CRHR1: variants seen among roughly 807,000 people sequenced by gnomAD.
The protein encoded by CRHR1 is corticotropin releasing hormone receptor 1.
Under a neutral mutation model 56.0 loss-of-function variants are expected in CRHR1, and 28 were observed. That is an observed-to-expected ratio of 0.50 (90% CI 0.37 to 0.69). The LOEUF (loss-of-function observed/expected upper bound fraction) is 0.69, where lower values mean the gene tolerates loss of function less well. Among genes scored for constraint, CRHR1 ranks in the 30% least tolerant of loss-of-function variants. The pLI, the probability that CRHR1 is intolerant of heterozygous loss-of-function variation, is 0.00. For synonymous variants in CRHR1, 195 were observed against 216.5 expected (o/e 0.90, Z 0.87); for missense variants, 376 against 548.0 (o/e 0.69, Z 3.13).
At chr17:45,823,477 G>A (rs1016899816) in intron 4 of CRHR1, among the ~76,000 whole-genome samples, 1 of 146,740 alleles carries the variant, frequency 6.8e-6, no homozygotes, top group Admixed American at 7.0e-5. Context: ...GCGCGATGTC[G>A]GCTCATTGCA....
intron 1 of CRHR1, among the ~76,000 whole-genome samples, chr17:45,787,053 C>G (rs1284519946): frequency 1.3e-5 from 2 of 152,178 alleles, no homozygotes; most frequent in South Asian, 4.1e-4. Flanking sequence ...TAGGGTTAAT[C>G]CCAAATCCAG....
At chr17:45,829,898 G>C (rs576412386) in intron 5 of CRHR1, among the ~76,000 whole-genome samples, 196 bp from the exon 6 acceptor site, 1 of 152,124 alleles carries the variant, frequency 6.6e-6, no homozygotes, top group Admixed American at 6.5e-5. Context: ...TTATGTCTGG[G>C]TGGGCTGCAG....
At chr17:45,803,282 G>A (rs897302989) in intron 1 of CRHR1, among the ~76,000 whole-genome samples, 23 of 152,220 alleles carry the variant, frequency 1.5e-4, no homozygotes, top group African/African-American at 5.3e-4. Flanking sequence ...ACCGGAGCAC[G>A]AAGCACAGCT....
intron 3 of CRHR1, among the ~76,000 whole-genome samples, chr17:45,820,500 A>G (rs533809953): frequency 6.6e-6 from 1 of 152,206 alleles, no homozygotes; most frequent in African/African-American, 2.4e-5. Flanking sequence ...GCCCCTCCCC[A>G]TCTCCTTAGA....
intron 1 of CRHR1, among the ~76,000 whole-genome samples, chr17:45,803,784 G>A (rs574567886): frequency 7.8e-4 from 119 of 152,222 alleles, no homozygotes; most frequent in Non-Finnish European, 1.2e-3. Context: ...GTGCGTGCGC[G>A]TGCGCGTGTG....
At chr17:45,801,541 A>G (rs938709973) in intron 1 of CRHR1, among the ~76,000 whole-genome samples, 2 of 151,980 alleles carry the variant, frequency 1.3e-5, no homozygotes, top group Admixed American at 1.3e-4. Flanking sequence ...GTGAGTGGAG[A>G]GATTTGTAGC....
At chr17:45,833,693 T>TGGGGGGGGGGGGGGGCC in intron 10 of CRHR1, 21 bp from the exon 11 acceptor site, 1 of 1,571,618 alleles carries the variant, frequency 6.4e-7, no homozygotes, top group Non-Finnish European at 8.7e-7. Flanking sequence ...ACTCCGAGCC[T>TGGGGGGGGGGGGGGGCC]CCCCACCCGC....
intron 1 of CRHR1, among the ~76,000 whole-genome samples, chr17:45,793,010 A>G (rs2061453717): frequency 6.6e-6 from 1 of 152,240 alleles, no homozygotes; most frequent in African/African-American, 2.4e-5. Context: ...GTAGATGCTG[A>G]ACTAAATGGA....
At chr17:45,808,524 G>T (rs148153182) in intron 2 of CRHR1, among the ~76,000 whole-genome samples, 15 of 152,240 alleles carry the variant, frequency 9.9e-5, no homozygotes, top group African/African-American at 3.4e-4. Flanking sequence ...AGGGATAGGG[G>T]GGCTGTTACC....
At chr17:45,823,121 C>T (rs535374367) in intron 4 of CRHR1, among the ~76,000 whole-genome samples, 34 of 146,420 alleles carry the variant, frequency 2.3e-4, no homozygotes, top group Admixed American at 4.2e-4. Context: ...TCCAGCCTGG[C>T]GACAGAGCAA....
intron 4 of CRHR1, among the ~76,000 whole-genome samples, chr17:45,824,468 T>G (rs1018025928): frequency 6.6e-6 from 1 of 152,128 alleles, no homozygotes; most frequent in African/African-American, 2.4e-5. Flanking sequence ...TCTTTTCAGT[T>G]GGCTGATGGG....
rs2062417437 is a variant in CRHR1 at position 45,835,408 on chromosome 17, C to A, written c.*644C>A. ...CAATGCCCTGCCTTGCTGCCTTCAC[C>A]CTGAACATTTAGTACCCTGCAGGCC... On this transcript the variant is annotated 3_prime_UTR_variant, in exon 13 of 13. Coordinates refer to ENST00000314537, the MANE Select transcript of CRHR1 (RefSeq NM_004382.5). 1.3e-5 allele frequency: 2 copies of A among 153,592 alleles called. No individual in the cohort carries two copies. Among genetic ancestry groups the A allele is most frequent in the East Asian group, 1.9e-4 (1 of 5,210 alleles). The allele number at this position is 153,592 out of a possible 1,614,324, so 9.5% of individuals were successfully genotyped here.
In CRHR1 at chr17:45,784,421, C is replaced by A. The variant is rs1425290673; in HGVS notation, c.-124C>A. 3.4e-6 allele frequency: 3 copies of A among 870,416 alleles called. No homozygotes were observed. Among genetic ancestry groups the A allele is most frequent in the South Asian group, 2.4e-5 (1 of 41,492 alleles). The allele number at this position is 870,416 out of a possible 1,614,324, so 53.9% of individuals were successfully genotyped here. Reference sequence around the variant, plus strand: ...AAGCGCCGAGCCGGGCATCTCCTCACCAGGCAGCGACCGAGGAGCCCGGCC... The same window carrying A: ...AAGCGCCGAGCCGGGCATCTCCTCAACAGGCAGCGACCGAGGAGCCCGGCC... On this transcript the variant is annotated 5_prime_UTR_variant, in exon 1 of 13. Transcript: ENST00000314537. The surrounding 1 kb of genome is among the most constrained non-coding windows in gnomAD (Gnocchi z 4.2).
At chr17:45,803,701 T>G (rs1204211609) in intron 1 of CRHR1, among the ~76,000 whole-genome samples, 1 of 152,206 alleles carries the variant, frequency 6.6e-6, no homozygotes, top group Non-Finnish European at 1.5e-5. Context: ...CTCCAGTTTC[T>G]TTAATTTGCC....
At chr17:45,829,049 G>A in intron 4 of CRHR1, 166 bp from the exon 5 acceptor site, 1 of 618,256 alleles carries the variant, frequency 1.6e-6, no homozygotes, top group East Asian at 2.7e-5. Context: ...CCTCAAACTG[G>A]ACGGCGTTGC....
chr17:45,801,765 C>G (rs1324354163), intron 1 of CRHR1, among the ~76,000 whole-genome samples: 1 of 152,186 alleles, frequency 6.6e-6, no homozygotes, highest in Non-Finnish European at 1.5e-5. Flanking sequence ...AGTGGAGGAG[C>G]AAGAGGCATC....
At chr17:45,816,736 T>A (rs28364025) in intron 3 of CRHR1, among the ~76,000 whole-genome samples, 154 bp downstream of exon 3, 1 of 152,186 alleles carries the variant, frequency 6.6e-6, no homozygotes, top group African/African-American at 2.4e-5. Context: ...TGTATTCTCC[T>A]GGGTGCCCTG....
intron 3 of CRHR1, among the ~76,000 whole-genome samples, chr17:45,818,549 G>T (rs892527747): frequency 1.3e-5 from 2 of 152,160 alleles, no homozygotes; most frequent in South Asian, 4.1e-4. Context: ...ATTGAGTGTG[G>T]TGCTCTCTAG....
intron 3 of CRHR1, among the ~76,000 whole-genome samples, chr17:45,819,861 C>T (rs1042441448): frequency 6.6e-6 from 1 of 152,238 alleles, no homozygotes; most frequent in African/African-American, 2.4e-5. Context: ...GCCACATCTA[C>T]TTTTCAGCCC....
Sources: allele counts gnomAD v4.1 joint callset (sites outside exome capture counted in the v4.1 genomes callset), GRCh38; gene constraint gnomAD v4.1.1; non-coding constraint Gnocchi (gnomAD v3.1); transcripts MANE v1.5; gene names NCBI Gene and HGNC (gene_info 2026-07-23, HGNC 2026-07-21).